MXD1: variants seen among roughly 807,000 people sequenced by gnomAD.
MXD1 encodes the protein MAX-binding protein.
A neutral mutation model predicts 25.7 loss-of-function variants in MXD1; 9 were observed. The observed-to-expected ratio is 0.35, with a 90% CI of 0.21 to 0.61. The LOEUF (loss-of-function observed/expected upper bound fraction) is 0.61. Ranked by LOEUF, MXD1 falls within the 20% of genes least tolerant of loss-of-function variation. MXD1 has a pLI of 0.75. For missense variants in MXD1, 227 were observed against 292.4 expected (o/e 0.78, Z 1.63); for synonymous variants, 99 against 113.9 (o/e 0.87, Z 0.83).
At chr2:69,936,333 C>T (rs1677437662) in intron 4 of MXD1, among the ~76,000 whole-genome samples, 1 of 152,014 alleles carries the variant, frequency 6.6e-6, no homozygotes, top group South Asian at 2.1e-4. Flanking sequence ...ATACACCCCA[C>T]GAGGGAGGGG....
chr2:69,916,347 T>G, intron 2 of MXD1, 127 bp downstream of exon 2: 1 of 638,522 alleles, frequency 1.6e-6, no homozygotes, highest in African/African-American at 1.8e-5. Context: ...GATTCAGTAA[T>G]GTACACATGG....
intron 2 of MXD1, among the ~76,000 whole-genome samples, chr2:69,918,978 T>TTATAC (rs1677009926): frequency 3.9e-5 from 6 of 152,216 alleles, no homozygotes; most frequent in Admixed American, 2.0e-4. Flanking sequence ...TCAGTAATGC[T>TTATAC]CTAGCCATTA....
rs756109003 is a variant in MXD1, at chr2:69,938,518, A to G, written c.*234A>G. On this transcript the variant is annotated 3_prime_UTR_variant, in exon 6 of 6. Coordinates refer to ENST00000264444, the MANE Select transcript of MXD1 (RefSeq NM_002357.4). ...TTGTCTCTGAGAGACTATACATTCC[A>G]ATCAATTTGAAGCATCCAAGAATTC... is the stretch of plus-strand genomic sequence containing the variant. 4.4e-5 allele frequency: 21 copies of G among 475,712 alleles called. No individual in the cohort carries two copies. Among genetic ancestry groups the G allele is most frequent in the Non-Finnish European group, 7.9e-5 (21 of 265,282 alleles). The allele number at this position is 475,712 out of a possible 1,614,324, so 29.5% of individuals were successfully genotyped here.
In MXD1 at chr2:69,940,756, C is replaced by T. The variant is rs1677576472; in HGVS notation, c.*2472C>T. ...AAACTGGCAGCAGGGTTAGACATTA[C>T]TTTCAAAGCTTGAGGTAGACCGAGT... On this transcript the variant is annotated 3_prime_UTR_variant, in exon 6 of 6. Coordinates refer to ENST00000264444, the MANE Select transcript of MXD1 (RefSeq NM_002357.4). The T allele has an allele frequency of 6.6e-6, 1 of 152,598 alleles. No individual in the cohort carries two copies. The highest frequency in any genetic ancestry group is 6.5e-5 in the Admixed American group (1 of 15,270). 9.5% of individuals were successfully genotyped at this position (152,598 alleles called of 1,614,324 possible). A position where few individuals can be genotyped will look rare whatever the true frequency, so the allele number is the denominator to read the frequency against.
At chr2:69,920,211 T>G (rs1466942870) in intron 2 of MXD1, among the ~76,000 whole-genome samples, 3 of 151,706 alleles carry the variant, frequency 2.0e-5, no homozygotes, top group African/African-American at 7.3e-5. Flanking sequence ...TGGTCTCAAT[T>G]TCCTGACCTC....
At chr2:69,917,536 T>C (rs1165678471) in intron 2 of MXD1, among the ~76,000 whole-genome samples, 1 of 152,210 alleles carries the variant, frequency 6.6e-6, no homozygotes, top group African/African-American at 2.4e-5. Flanking sequence ...GGCCTTTCAG[T>C]TAATTTTTCT....
chr2:69,919,794 A>G (rs1333645650), intron 2 of MXD1, among the ~76,000 whole-genome samples: 1 of 152,198 alleles, frequency 6.6e-6, no homozygotes, highest in Non-Finnish European at 1.5e-5. Context: ...CTTCAGAACA[A>G]TGTGACTGGA....
Position 69,939,759 on chromosome 2 carries a change from G to C in MXD1, c.*1475G>C, listed in dbSNP as rs890944572. ...AGCAGAGTGTGTCACAAAGTGATGA[G>C]AACATTACTAAAATCCACGGACGCA... On this transcript the variant is annotated 3_prime_UTR_variant, in exon 6 of 6. Transcript: ENST00000264444. 2 of 152,396 alleles carry C rather than the reference G, an allele frequency of 1.3e-5. No individual in the cohort carries two copies. Among genetic ancestry groups the C allele is most frequent in the Non-Finnish European group, 2.9e-5 (2 of 68,034 alleles). 9.4% of individuals were successfully genotyped at this position (152,396 alleles called of 1,614,324 possible).
intron 3 of MXD1, among the ~76,000 whole-genome samples, chr2:69,932,284 TA>T (rs1677305778): frequency 6.6e-6 from 1 of 152,144 alleles, no homozygotes; most frequent in South Asian, 2.1e-4. Context: ...GAGCTGTACA[TA>T]ACAGAGGGGT....
intron 2 of MXD1, among the ~76,000 whole-genome samples, chr2:69,918,002 A>C (rs1676992480): frequency 1.3e-5 from 2 of 152,220 alleles, no homozygotes; most frequent in Non-Finnish European, 1.5e-5. Context: ...AGGTAGCACC[A>C]GCCAAACGTG....
rs1027462456 is a variant in MXD1 at position 69,942,373 on chromosome 2, T to C, written c.*4089T>C. The C allele has an allele frequency of 6.6e-6, 1 of 152,172 alleles. No homozygotes were observed. The highest frequency in any genetic ancestry group is 2.4e-5 in the African/African-American group (1 of 41,442). 9.4% of individuals were successfully genotyped at this position (152,172 alleles called of 1,614,324 possible). ...GGTGATTTATCATGGTTTTTTTCATTATCAATATTACATGGATGATTTTCT... is the reference window on the plus strand; with the variant it reads ...GGTGATTTATCATGGTTTTTTTCATCATCAATATTACATGGATGATTTTCT... On this transcript the variant is annotated 3_prime_UTR_variant, in exon 6 of 6. Transcript: ENST00000264444.
At chr2:69,935,102 C>T (rs986121572) in intron 3 of MXD1, among the ~76,000 whole-genome samples, 1 of 152,158 alleles carries the variant, frequency 6.6e-6, no homozygotes, top group Non-Finnish European at 1.5e-5. Context: ...TATATAATAG[C>T]AGATATTATT....
At chr2:69,920,495 TC>T (rs953727018) in intron 2 of MXD1, among the ~76,000 whole-genome samples, 2 of 152,184 alleles carry the variant, frequency 1.3e-5, no homozygotes, top group African/African-American at 4.8e-5. Flanking sequence ...CCTCCTCACT[TC>T]CGCTGCCATC....
intron 3 of MXD1, among the ~76,000 whole-genome samples, chr2:69,922,023 C>T (rs1018774671): frequency 4.6e-5 from 7 of 152,012 alleles, no homozygotes; most frequent in African/African-American, 9.7e-5. Flanking sequence ...TTCCACAGAC[C>T]AAAGCATTTT....
chr2:69,935,148 C>T (rs556011864), intron 3 of MXD1, among the ~76,000 whole-genome samples: 1 of 152,332 alleles, frequency 6.6e-6, no homozygotes, highest in African/African-American at 2.4e-5. Flanking sequence ...ATAGACTTAG[C>T]TTCGAAAACC....
At chr2:69,931,233 T>C (rs1677274600) in intron 3 of MXD1, among the ~76,000 whole-genome samples, 1 of 152,200 alleles carries the variant, frequency 6.6e-6, no homozygotes, top group South Asian at 2.1e-4. Flanking sequence ...ATTTTGACTA[T>C]AGTTACCCTG....
chr2:69,916,062 G>A (rs1304381914), intron 1 of MXD1, 59 bp from the exon 2 acceptor site: 7 of 890,702 alleles, frequency 7.9e-6, no homozygotes, highest in African/African-American at 6.6e-5. Context: ...ATACTGTAGA[G>A]AGGAGAGAGC....
intron 2 of MXD1, among the ~76,000 whole-genome samples, chr2:69,921,464 C>T (rs1048005976): frequency 4.6e-5 from 7 of 152,276 alleles, no homozygotes; most frequent in Non-Finnish European, 5.9e-5. Context: ...AAATAGACCC[C>T]TTTTATTTCT....
intron 3 of MXD1, among the ~76,000 whole-genome samples, chr2:69,934,419 C>G (rs918359895): frequency 4.6e-5 from 7 of 152,344 alleles, no homozygotes; most frequent in African/African-American, 1.7e-4. Context: ...CGTGCTCTCT[C>G]TTCAGTCAGT....
Sources: gnomAD v4.1 joint callset for allele counts (sites outside exome capture counted in the v4.1 genomes callset) on GRCh38, gnomAD v4.1.1 for gene constraint, MANE v1.5 for transcripts, NCBI Gene and HGNC (gene_info 2026-07-23, HGNC 2026-07-21) for gene names.